ZNF385D: variants seen among roughly 807,000 people sequenced by gnomAD.
ZNF385D encodes the protein zinc finger protein 385D.
In ZNF385D, 15 loss-of-function variants were observed where a neutral mutation model predicts 35.8. That is an observed-to-expected ratio of 0.42 (90% CI 0.28 to 0.64). ZNF385D has a LOEUF of 0.64. Among genes scored for constraint, ZNF385D ranks in the 30% least tolerant of loss-of-function variants. The pLI is 0.23. For synonymous variants in ZNF385D, 212 were observed against 186.8 expected (o/e 1.13, Z -1.10); for missense variants, 474 against 494.6 (o/e 0.96, Z 0.39).
intron 5 of ZNF385D, among the ~76,000 whole-genome samples, chr3:21,434,760 G>A (rs1463278258): frequency 6.6e-6 from 1 of 152,108 alleles, no homozygotes; most frequent in Non-Finnish European, 1.5e-5. Flanking sequence ...CATTAGGCCA[G>A]GATTTTGGAG....
intron 3 of ZNF385D, among the ~76,000 whole-genome samples, chr3:21,815,069 G>C (rs528840881): frequency 6.6e-6 from 1 of 152,312 alleles, no homozygotes; most frequent in African/African-American, 2.4e-5. Flanking sequence ...TGAACAACCT[G>C]CTCCTGAATG....
intron 3 of ZNF385D, among the ~76,000 whole-genome samples, chr3:22,154,836 T>C (rs183107830): frequency 7.2e-5 from 11 of 152,308 alleles, no homozygotes; most frequent in Non-Finnish European, 1.3e-4. Flanking sequence ...CTTTTAACTA[T>C]TGGATTCCTA....
chr3:21,944,536 G>C (rs1434346652), intron 3 of ZNF385D, among the ~76,000 whole-genome samples: 1 of 152,206 alleles, frequency 6.6e-6, no homozygotes, highest in Non-Finnish European at 1.5e-5. Context: ...GCTTGTCGAA[G>C]AGAGTTAATT....
chr3:21,900,022 C>T (rs541815972), intron 3 of ZNF385D, among the ~76,000 whole-genome samples: 1 of 152,214 alleles, frequency 6.6e-6, no homozygotes, highest in East Asian at 1.9e-4. Context: ...TGCTTTTCAA[C>T]CCTATGTTCA....
chr3:22,237,178 C>T (rs1459628059), intron 2 of ZNF385D, among the ~76,000 whole-genome samples: 2 of 120,728 alleles, frequency 1.7e-5, no homozygotes, highest in African/African-American at 6.7e-5. Flanking sequence ...ACGTCTTTGC[C>T]AGCAATAGTT....
In ZNF385D at chr3:22,005,971, T is replaced by C. The variant is rs143036548; in HGVS notation, c.325+162846A>G. On this transcript the variant is annotated intron_variant, in intron 3 of 5. Coordinates refer to the ZNF385D transcript ENST00000494108. ...AAGTTCTGAAAGCTTTCTTCTTCCCTCTTTCTCTCTCTCTCTCACTCTTGA... is the reference window on the plus strand; with the variant it reads ...AAGTTCTGAAAGCTTTCTTCTTCCCCCTTTCTCTCTCTCTCTCACTCTTGA... 1.1e-3 allele frequency among the ~76,000 whole-genome samples: 163 copies of C among 152,240 alleles called. 2 individuals carry two copies. In the East Asian group the frequency reaches 0.025, roughly 23 times the overall value.
chr3:22,315,993 G>A (rs73821883), intron 2 of ZNF385D, among the ~76,000 whole-genome samples: 14,371 of 152,172 alleles, frequency 0.094, 1,064 homozygotes, highest in African/African-American at 0.21. Context: ...TGACTTCCCA[G>A]TTGCTCTGAT....
intron 2 of ZNF385D, among the ~76,000 whole-genome samples, chr3:22,297,507 A>G (rs1003735438): frequency 6.6e-5 from 10 of 152,020 alleles, no homozygotes; most frequent in Admixed American, 2.6e-4. Context: ...TTATAGAGAG[A>G]AGGGGGCATG....
intron 3 of ZNF385D, among the ~76,000 whole-genome samples, chr3:21,890,860 T>C (rs939072239): frequency 6.6e-6 from 1 of 152,154 alleles, no homozygotes; most frequent in Admixed American, 6.5e-5. Flanking sequence ...CACCATGAAC[T>C]TTCAGTGGTT....
intron 2 of ZNF385D, among the ~76,000 whole-genome samples, chr3:22,300,821 A>T (rs186653179): frequency 8.9e-4 from 135 of 152,130 alleles, no homozygotes; most frequent in African/African-American, 3.1e-3. Flanking sequence ...AAGGGAATCC[A>T]TGTGCAATTT....
intron 2 of ZNF385D, among the ~76,000 whole-genome samples, chr3:22,185,896 C>T (rs984766526): frequency 6.6e-6 from 1 of 152,180 alleles, no homozygotes; most frequent in Non-Finnish European, 1.5e-5. Flanking sequence ...CATTTAACCA[C>T]GTGTTAACCT....
intron 2 of ZNF385D, among the ~76,000 whole-genome samples, chr3:21,582,466 T>G (rs2063694958): frequency 6.6e-6 from 1 of 152,194 alleles, no homozygotes; most frequent in African/African-American, 2.4e-5. Flanking sequence ...CTGCATATTT[T>G]TTTTCTCTAC....
chr3:21,793,258 T>C (rs1325678671), intron 3 of ZNF385D, among the ~76,000 whole-genome samples: 1 of 152,230 alleles, frequency 6.6e-6, no homozygotes, highest in Non-Finnish European at 1.5e-5. Flanking sequence ...CCTCGTTTAT[T>C]AATAGTGAAA....
chr3:22,370,569 TAGAG>T (rs756306214), intron 2 of ZNF385D, among the ~76,000 whole-genome samples: 9 of 152,372 alleles, frequency 5.9e-5, no homozygotes, highest in South Asian at 2.1e-4. Context: ...AATTAAAACT[TAGAG>T]AGGTTTATTG....
In ZNF385D at chr3:21,424,013, G is replaced by C. The variant is rs780422555; in HGVS notation, c.904C>G (p.Pro302Ala). The C allele has an allele frequency of 6.9e-6, 11 of 1,605,448 alleles. No homozygotes were observed. In the South Asian group the frequency reaches 1.1e-4, roughly 16 times the overall value. The change falls in exon 7 of 8, where the codon CCT becomes GCT. Residue 302 changes from proline (P) to alanine (A), a missense_variant. By Grantham distance (27) the Pro-to-Ala change is conservative (BLOSUM62 -1). Coordinates refer to ENST00000281523, the MANE Select transcript of ZNF385D (RefSeq NM_024697.3). ...AGTTTGTTGTAAGGACTGTATTTAG[G>C]TTTCGGGGGCTTCCCAGCAGCTCTG... ...KDRAAGKPPKPKYSPYNKLQK... is the reference protein window; with the variant it reads ...KDRAAGKPPKAKYSPYNKLQK...
intron 3 of ZNF385D, among the ~76,000 whole-genome samples, chr3:21,957,354 G>A (rs763256976): frequency 6.6e-6 from 1 of 152,134 alleles, no homozygotes; most frequent in Non-Finnish European, 1.5e-5. Flanking sequence ...TGGGTAACAG[G>A]CAGAGGTTGG....
chr3:21,751,025 G>C lies in ZNF385D; in HGVS notation c.-109C>G. On this transcript the variant is annotated 5_prime_UTR_variant, in exon 1 of 8. Coordinates refer to ENST00000281523, the MANE Select transcript of ZNF385D (RefSeq NM_024697.3). ...GCTACATTCGGTGGAAATGTCCCCG[G>C]CGTGGAGAGCAGTGAGCGCCGAGAG... 6.3e-7 allele frequency: 1 copy of C among 1,596,024 alleles called. No homozygotes were observed. Among genetic ancestry groups the C allele is most frequent in the Non-Finnish European group, 8.5e-7 (1 of 1,171,184 alleles).
At chr3:21,584,049 C>G (rs1246080623) in intron 2 of ZNF385D, among the ~76,000 whole-genome samples, 5 of 151,828 alleles carry the variant, frequency 3.3e-5, no homozygotes, top group Non-Finnish European at 7.4e-5. Flanking sequence ...TCTCGGCTCA[C>G]TGCAACCTCC....
At position 21,938,086 on chromosome 3, in the gene ZNF385D, C is replaced by T. The variant is rs61068088; in HGVS notation, c.325+230731G>A. On this transcript the variant is annotated intron_variant, in intron 3 of 5. Coordinates refer to the ZNF385D transcript ENST00000494108. ...CAAATGATATTCAACCGAACAGAATCCCAATGCATAGAATATTGTAGACAA... is the reference window on the plus strand; with the variant it reads ...CAAATGATATTCAACCGAACAGAATTCCAATGCATAGAATATTGTAGACAA... Among the ~76,000 whole-genome samples the T allele has an allele frequency of 2.5e-3, 377 of 152,290 alleles. 1 individual carries two copies. The highest frequency in any genetic ancestry group is 8.6e-3 in the African/African-American group (359 of 41,562).
Sources: allele counts gnomAD v4.1 joint callset (sites outside exome capture counted in the v4.1 genomes callset), GRCh38; gene constraint gnomAD v4.1.1; transcripts MANE v1.5; gene names NCBI Gene and HGNC (gene_info 2026-07-23, HGNC 2026-07-21).